Variants in SLC38A8 observed in about 807,000 individuals in gnomAD.
SLC38A8 encodes the protein amino acid transporter SLC38A8.
A neutral mutation model predicts 46.0 loss-of-function variants in SLC38A8; 65 were observed. The observed-to-expected ratio is 1.41, with a 90% CI of 1.16 to 1.74. SLC38A8 has a LOEUF of 1.74. Among genes scored for constraint, SLC38A8 ranks in the 40% most tolerant of loss-of-function variants. The pLI, the probability that SLC38A8 is intolerant of heterozygous loss-of-function variation, is 0.00. For synonymous variants in SLC38A8, 447 were observed against 243.7 expected (o/e 1.83, Z -7.77); for missense variants, 998 against 567.9 (o/e 1.76, Z -7.70).
intron 6 of SLC38A8, among the ~76,000 whole-genome samples, chr16:84,028,009 AC>A (rs2085186452): frequency 1.3e-5 from 2 of 152,106 alleles, no homozygotes; most frequent in Non-Finnish European, 2.9e-5. Context: ...CAGCACGCCG[AC>A]TGATTACGAG....
chr16:84,033,196 T>G lies in SLC38A8; in HGVS notation c.530+132A>C, dbSNP rs1435906920. On this transcript the variant is annotated intron_variant, in intron 4 of 10. Transcript: ENST00000299709. ...CATGCATACATTTTACTTGTATAAT[T>G]TTTTTTTCGTTTTCCCCTTCTCCAA... is the stretch of plus-strand genomic sequence containing the variant. 12 of 1,227,822 alleles carry G rather than the reference T, an allele frequency of 9.8e-6. No individual in the cohort carries two copies. The South Asian group carries it at 1.7e-4, about 17-fold the overall frequency. 76.1% of individuals were successfully genotyped at this position (1,227,822 alleles called of 1,614,324 possible).
At chr16:84,016,862 C>T in intron 8 of SLC38A8, 135 bp from the exon 9 acceptor site, 1 of 1,129,080 alleles carries the variant, frequency 8.9e-7, no homozygotes, top group Non-Finnish European at 1.2e-6. Flanking sequence ...GTTTATTCCC[C>T]AGGAGACCTT....
chr16:84,016,857 T>C, intron 8 of SLC38A8, 130 bp from the exon 9 acceptor site: 4 of 1,149,856 alleles, frequency 3.5e-6, no homozygotes, highest in East Asian at 5.2e-5. Context: ...CAGGTGTTTA[T>C]TCCCCAGGAG....
chr16:84,017,269 G>C lies in SLC38A8; in HGVS notation c.824C>G (p.Thr275Ser), dbSNP rs760712726. The C allele has an allele frequency of 1.7e-5, 28 of 1,613,986 alleles. No homozygotes were observed. Among genetic ancestry groups the C allele is most frequent in the African/African-American group, 2.7e-5 (2 of 74,904 alleles). Residue 275 changes from threonine (T) to serine (S), a missense_variant, in exon 8 of 11, where the codon ACT becomes AGT. Coordinates refer to ENST00000299709, the MANE Select transcript of SLC38A8 (RefSeq NM_001080442.3). The stretch of plus-strand genomic sequence containing the variant: ...GTCAGCAGAAACTTCTGTCCCAAAA[G>C]TCAGGAAGCCATAAACCCCTGAAGG... ...YSLTGVYGFL[T>S]FGTEVSADVL... is the part of the protein sequence containing the mutation.
chr16:84,034,264 A>C (rs1406714857), intron 3 of SLC38A8, among the ~76,000 whole-genome samples: 1 of 152,218 alleles, frequency 6.6e-6, no homozygotes, highest in Non-Finnish European at 1.5e-5. Context: ...GCAGTGTCTC[A>C]TTTGCCACAC....
intron 3 of SLC38A8, among the ~76,000 whole-genome samples, chr16:84,034,728 G>A (rs1007717548): frequency 1.3e-5 from 2 of 152,178 alleles, no homozygotes; most frequent in African/African-American, 4.8e-5. Context: ...CCACGTGGGA[G>A]AGCCGAGATG....
intron 3 of SLC38A8, among the ~76,000 whole-genome samples, 183 bp downstream of exon 3, chr16:84,036,519 C>T (rs1380510885): frequency 6.6e-6 from 1 of 152,266 alleles, no homozygotes; most frequent in Non-Finnish European, 1.5e-5. Context: ...GACTGTCACC[C>T]AACTGGTGAC....
upstream of SLC38A8, among the ~76,000 whole-genome samples, chr16:84,042,932 C>G (rs997883011): frequency 6.6e-6 from 1 of 152,194 alleles, no homozygotes; most frequent in Non-Finnish European, 1.5e-5. Context: ...GGGAGCCACA[C>G]GGGGCAGGGG....
intron 2 of SLC38A8, chr16:84,040,152 G>C (rs2085352192): frequency 6.6e-6 from 1 of 152,230 alleles, no homozygotes; most frequent in Non-Finnish European, 1.5e-5. Context: ...CTAAGTGGAG[G>C]ATAGCAGCCT....
chr16:84,026,093 G>T (rs375876429), intron 6 of SLC38A8, among the ~76,000 whole-genome samples: 1 of 152,256 alleles, frequency 6.6e-6, no homozygotes, highest in South Asian at 2.1e-4. Context: ...GGGAGTCCCC[G>T]AACGGCAGCT....
intron 6 of SLC38A8, among the ~76,000 whole-genome samples, chr16:84,028,472 C>A (rs1032013412): frequency 6.6e-6 from 1 of 151,454 alleles, no homozygotes; most frequent in Non-Finnish European, 1.5e-5. Flanking sequence ...GTAGTCCCAG[C>A]TACTCAGGAG....
chr16:84,026,934 G>A (rs1022899438), intron 6 of SLC38A8, among the ~76,000 whole-genome samples: 28 of 152,170 alleles, frequency 1.8e-4, no homozygotes, highest in Non-Finnish European at 2.9e-4. Flanking sequence ...CAACAGAAAG[G>A]TTCTCAATTG....
intron 2 of SLC38A8, among the ~76,000 whole-genome samples, chr16:84,037,390 T>A (rs933865883): frequency 3.5e-5 from 5 of 142,696 alleles, no homozygotes; most frequent in Non-Finnish European, 6.2e-5. Flanking sequence ...CACCGCCCCC[T>A]TGCAGGGGTG....
chr16:84,025,452 G>C (rs2085151255), intron 6 of SLC38A8, among the ~76,000 whole-genome samples: 1 of 152,138 alleles, frequency 6.6e-6, no homozygotes. Context: ...CTCTCACACA[G>C]CCCGTGTCCT....
chr16:84,012,061 A>C (rs1242597936), intron 10 of SLC38A8, among the ~76,000 whole-genome samples: 2 of 151,894 alleles, frequency 1.3e-5, no homozygotes, highest in African/African-American at 4.8e-5. Flanking sequence ...TTGATTTCAC[A>C]CTCCTGGCTC....
chr16:84,027,347 CA>C (rs992814439), intron 6 of SLC38A8, among the ~76,000 whole-genome samples: 22 of 151,566 alleles, frequency 1.5e-4, no homozygotes, highest in Non-Finnish European at 2.6e-4. Flanking sequence ...AAGTCTGCCA[CA>C]AAAGCAAAAT....
At chr16:84,015,675 G>A (rs2085016863) in intron 9 of SLC38A8, among the ~76,000 whole-genome samples, 1 of 152,080 alleles carries the variant, frequency 6.6e-6, no homozygotes, top group Non-Finnish European at 1.5e-5. Context: ...CTGCTCTCAT[G>A]CTGCTAATAA....
intron 7 of SLC38A8, 144 bp from the exon 8 acceptor site, chr16:84,017,431 G>C (rs2085044130): frequency 1.0e-6 from 1 of 956,874 alleles, no homozygotes. Flanking sequence ...ATAGCCCAAA[G>C]CTTTCCTGTC....
chr16:84,012,240 C>G (rs1013220318), intron 10 of SLC38A8, among the ~76,000 whole-genome samples: 3 of 152,254 alleles, frequency 2.0e-5, no homozygotes, highest in Non-Finnish European at 4.4e-5. Flanking sequence ...GAACCCCAGA[C>G]TACCCAGGGG....
Sources: allele counts gnomAD v4.1 joint callset (sites outside exome capture counted in the v4.1 genomes callset), GRCh38; gene constraint gnomAD v4.1.1; transcripts MANE v1.5; gene names NCBI Gene and HGNC (gene_info 2026-07-23, HGNC 2026-07-21).